The following PCGF5 variants were observed in gnomAD, a reference collection of about 807,000 sequenced individuals.
PCGF5 encodes the protein polycomb group RING finger protein 5.
Under a neutral mutation model 44.3 loss-of-function variants are expected in PCGF5, and 9 were observed. That is an observed-to-expected ratio of 0.20 (90% CI 0.12 to 0.35). The LOEUF (loss-of-function observed/expected upper bound fraction) is 0.35. PCGF5 is among the 10% of genes least tolerant of loss of function. The probability of loss-of-function intolerance (pLI) is 1.00; values close to 1 mark genes in which losing one functional copy is unlikely to be tolerated. For missense variants in PCGF5, 146 were observed against 305.3 expected (o/e 0.48, Z 3.89); for synonymous variants, 95 against 102.5 (o/e 0.93, Z 0.44).
intron 9 of PCGF5, among the ~76,000 whole-genome samples, chr10:91,272,541 G>A (rs1054145046): frequency 2.7e-4 from 41 of 152,260 alleles, no homozygotes; most frequent in African/African-American, 9.6e-4. Context: ...GGGAGACTGA[G>A]GCGGGCAGAT....
At chr10:91,227,580 C>T (rs930302872) in intron 2 of PCGF5, 2 of 1,177,926 alleles carry the variant, frequency 1.7e-6, no homozygotes, top group Non-Finnish European at 2.1e-6. Context: ...ATTCTTATTA[C>T]ATCTCACCAA....
chr10:91,223,577 T>C (rs1844737294), intron 2 of PCGF5, among the ~76,000 whole-genome samples: 2 of 152,204 alleles, frequency 1.3e-5, no homozygotes, highest in Admixed American at 1.3e-4. Context: ...CAGATTTCAT[T>C]CTCAACTGTC....
At chr10:91,264,985 C>G (rs773545391) in intron 8 of PCGF5, among the ~76,000 whole-genome samples, 1 of 152,000 alleles carries the variant, frequency 6.6e-6, no homozygotes, top group Non-Finnish European at 1.5e-5. Flanking sequence ...AATATAAACT[C>G]GGACTTAAGG....
At chr10:91,165,389 A>C (rs1036696275) in intron 1 of PCGF5, among the ~76,000 whole-genome samples, 1 of 152,186 alleles carries the variant, frequency 6.6e-6, no homozygotes, top group Admixed American at 6.5e-5. Context: ...CTATGTTTCC[A>C]CTTATTTGGA....
chr10:91,254,018 C>A (rs1408716849), intron 6 of PCGF5, among the ~76,000 whole-genome samples: 1 of 151,994 alleles, frequency 6.6e-6, no homozygotes, highest in African/African-American at 2.4e-5. Context: ...AAAAGTTTGC[C>A]ACCTTTTGGC....
At chr10:91,272,631 G>A (rs1846207040) in intron 9 of PCGF5, among the ~76,000 whole-genome samples, 1 of 151,974 alleles carries the variant, frequency 6.6e-6, no homozygotes, top group Non-Finnish European at 1.5e-5. Context: ...AAATTAGCCG[G>A]GTGTGGTGGC....
At chr10:91,260,759 A>T (rs1347151158) in intron 6 of PCGF5, among the ~76,000 whole-genome samples, 1 of 141,014 alleles carries the variant, frequency 7.1e-6, no homozygotes, top group Non-Finnish European at 1.5e-5. Flanking sequence ...GAATTGAACA[A>T]TGAGAACACA....
chr10:91,202,360 A>G (rs1220316630), intron 1 of PCGF5, among the ~76,000 whole-genome samples: 2 of 152,202 alleles, frequency 1.3e-5, no homozygotes, highest in Non-Finnish European at 1.5e-5. Flanking sequence ...TGTGAACCTA[A>G]TGATTTCAGT....
At chr10:91,273,466 A>G (rs1381741636) in intron 9 of PCGF5, among the ~76,000 whole-genome samples, 1 of 152,226 alleles carries the variant, frequency 6.6e-6, no homozygotes, top group African/African-American at 2.4e-5. Context: ...TTCTAAATCC[A>G]TACAAATTTC....
chr10:91,236,625 A>C (rs1383203402), intron 2 of PCGF5, among the ~76,000 whole-genome samples: 1 of 152,252 alleles, frequency 6.6e-6, no homozygotes, highest in Non-Finnish European at 1.5e-5. Context: ...GAAATCTTTA[A>C]GATATTTTTA....
chr10:91,251,503 T>G, intron 6 of PCGF5, 63 bp downstream of exon 6: 1 of 1,469,400 alleles, frequency 6.8e-7, no homozygotes, highest in Non-Finnish European at 9.3e-7. Context: ...GATAATTTGT[T>G]GACAAATTTT....
chr10:91,263,881 G>A (rs953740757), intron 7 of PCGF5, among the ~76,000 whole-genome samples: 7 of 152,122 alleles, frequency 4.6e-5, no homozygotes, highest in African/African-American at 9.7e-5. Flanking sequence ...TATCAAATTA[G>A]ATATTGGTAA....
At chr10:91,227,255 T>C (rs1039974880) in intron 2 of PCGF5, 3 of 450,586 alleles carry the variant, frequency 6.7e-6, no homozygotes, top group African/African-American at 6.2e-5. Flanking sequence ...TTTTCCTGTG[T>C]GAACTCATGT....
chr10:91,197,941 A>C (rs1005804432), intron 1 of PCGF5, among the ~76,000 whole-genome samples: 1 of 152,190 alleles, frequency 6.6e-6, no homozygotes, highest in African/African-American at 2.4e-5. Flanking sequence ...TGTTTCATTC[A>C]TTCAATAAAT....
chr10:91,159,350 G>A (rs1259952548), upstream of PCGF5, among the ~76,000 whole-genome samples: 2 of 152,134 alleles, frequency 1.3e-5, no homozygotes, highest in African/African-American at 2.4e-5. Flanking sequence ...AAATTCATAT[G>A]TTGAAATCCT....
At chr10:91,230,289 T>C (rs1844966493) in intron 2 of PCGF5, among the ~76,000 whole-genome samples, 1 of 152,210 alleles carries the variant, frequency 6.6e-6, no homozygotes, top group Non-Finnish European at 1.5e-5. Context: ...AAAATATTCA[T>C]GGTTAGAAAT....
chr10:91,246,965 GGATAGATAGATAGATAGATAGATAGATA>G lies in PCGF5; in HGVS notation c.210-1511_210-1484del, dbSNP rs67397753. On this transcript the variant is annotated intron_variant, in intron 3 of 9. Coordinates refer to ENST00000336126, the MANE Select transcript of PCGF5 (RefSeq NM_032373.5). ...CAGGCAGATAGATAGATGGATAGAT[GGATAGATAGATAGATAGATAGATAGATA>G]GATAGATAGATAGATAGATAGATAG... 2.6e-3 allele frequency among the ~76,000 whole-genome samples: 380 copies of G among 144,854 alleles called. 3 individuals carry two copies. The highest frequency in any genetic ancestry group is 9.0e-3 in the African/African-American group (350 of 38,888).
intron 1 of PCGF5, among the ~76,000 whole-genome samples, chr10:91,194,652 T>G (rs1844094959): frequency 1.3e-5 from 2 of 152,146 alleles, no homozygotes; most frequent in Admixed American, 1.3e-4. Flanking sequence ...CAGTTGGATA[T>G]GAGTCTGGAG....
At chr10:91,235,429 AG>A (rs1427773489) in intron 2 of PCGF5, among the ~76,000 whole-genome samples, 1 of 152,174 alleles carries the variant, frequency 6.6e-6, no homozygotes, top group Non-Finnish European at 1.5e-5. Flanking sequence ...GTAAGTATAA[AG>A]GGCCAGGTGT....
Sources: allele counts gnomAD v4.1 joint callset (sites outside exome capture counted in the v4.1 genomes callset), GRCh38; gene constraint gnomAD v4.1.1; transcripts MANE v1.5; gene names NCBI Gene and HGNC (gene_info 2026-07-23, HGNC 2026-07-21).